The following NKAIN3 variants were observed in gnomAD, a reference collection of about 807,000 sequenced individuals.
NKAIN3 encodes sodium/potassium-transporting ATPase subunit beta-1-interacting protein 3.
A neutral mutation model predicts 30.2 loss-of-function variants in NKAIN3; 25 were observed. The ratio of observed to expected loss-of-function variants is 0.83; its 90% CI spans 0.60 to 1.16. The LOEUF is 1.16. Ranked by LOEUF, NKAIN3 falls within the 50% of genes most tolerant of loss-of-function variation. NKAIN3 has a pLI of 0.00. For missense variants in NKAIN3, 225 were observed against 254.1 expected, an observed-to-expected ratio of 0.89 and a Z score of 0.78; for synonymous variants, 91 against 89.6, an observed-to-expected ratio of 1.02 and a Z score of -0.09.
At chr8:62,736,394 G>A (rs1243704254) in intron 3 of NKAIN3, among the ~76,000 whole-genome samples, 1 of 152,100 alleles carries the variant, frequency 6.6e-6, no homozygotes. Context: ...TCAGGCCAAT[G>A]GAGTTATGTT....
chr8:62,620,784 A>G (rs145742903), intron 3 of NKAIN3, among the ~76,000 whole-genome samples: 49 of 152,262 alleles, frequency 3.2e-4, no homozygotes, highest in African/African-American at 1.2e-3. Flanking sequence ...GATCTTATTA[A>G]CATATTGAAC....
intron 4 of NKAIN3, among the ~76,000 whole-genome samples, chr8:62,789,408 G>A (rs1261855022): frequency 6.6e-6 from 1 of 152,104 alleles, no homozygotes; most frequent in African/African-American, 2.4e-5. Flanking sequence ...TGCTGAAGTT[G>A]CTTATCAGCT....
Position 62,997,006 on chromosome 8 carries a change from G to A in NKAIN3, c.533-2225G>A, listed in dbSNP as rs559949930. 3.2e-4 allele frequency among the ~76,000 whole-genome samples: 48 copies of A among 152,274 alleles called. 1 individual carries two copies. Among genetic ancestry groups the A allele is most frequent in the Admixed American group, 2.9e-3 (45 of 15,300 alleles). On this transcript the variant is annotated intron_variant, in intron 5 of 5. Transcript: ENST00000519049. ...ACCATTCTAGCGTCTGGAGGATGGT[G>A]GCCCTCTTCTCACAGTTCCACTAGG...
chr8:62,677,887 C>T (rs1411995838), intron 3 of NKAIN3, among the ~76,000 whole-genome samples: 3 of 152,128 alleles, frequency 2.0e-5, no homozygotes, highest in East Asian at 1.9e-4. Context: ...ATAGTATGTC[C>T]CCCTATCCCC....
intron 1 of NKAIN3, chr8:62,344,810 A>G: frequency 2.3e-6 from 1 of 427,250 alleles, no homozygotes; most frequent in Non-Finnish European, 4.7e-6. Flanking sequence ...GTTCCATATG[A>G]ATTTTAAATT....
rs112914829 is a variant in NKAIN3, at chr8:62,973,858, G to A, written c.*8451G>A. Among the ~76,000 whole-genome samples the A allele has an allele frequency of 3.2e-3, 480 of 152,226 alleles. 3 individuals carry two copies. Among genetic ancestry groups the A allele is most frequent in the African/African-American group, 0.011 (469 of 41,530 alleles). On this transcript the variant is annotated 3_prime_UTR_variant, in exon 7 of 7. Transcript: ENST00000623646. ...ATTTTTGTACAAGATGTAAGGAAGG[G>A]GTCCAGTTTCAGTTTTCTGCGTATG... is the stretch of plus-strand genomic sequence containing the variant.
chr8:62,485,779 G>A (rs1054362078), intron 1 of NKAIN3, among the ~76,000 whole-genome samples: 14 of 152,172 alleles, frequency 9.2e-5, no homozygotes, highest in African/African-American at 3.1e-4. Flanking sequence ...AAAGAGAAGA[G>A]GGAATGGATT....
At position 62,534,860 on chromosome 8, in the gene NKAIN3, G is replaced by GTTTT. The variant is rs145601852; in HGVS notation, c.55-44679_55-44678insTTTT. Among the ~76,000 whole-genome samples the GTTTT allele has an allele frequency of 3.9e-4, 57 of 145,644 alleles. 2 individuals carry two copies. Among genetic ancestry groups the GTTTT allele is most frequent in the Admixed American group, 5.5e-4 (8 of 14,638 alleles). On this transcript the variant is annotated intron_variant, in intron 1 of 6. Coordinates refer to ENST00000623646, the MANE Select transcript of NKAIN3 (RefSeq NM_001304533.3). ...AAAATGTAAAAACATTGCATTTATT[G>GTTTT]GTTTTTTTTTTTTTCGTATAGTTTC... is the stretch of plus-strand genomic sequence containing the variant.
At chr8:62,297,904 CAA>C (rs1813892715) in intron 1 of NKAIN3, among the ~76,000 whole-genome samples, 2 of 152,016 alleles carry the variant, frequency 1.3e-5, no homozygotes, top group Non-Finnish European at 2.9e-5. Flanking sequence ...TTCACAATAG[CAA>C]AGACTTGGAA....
intron 1 of NKAIN3, among the ~76,000 whole-genome samples, chr8:62,451,863 G>A (rs1008633382): frequency 6.6e-6 from 1 of 152,184 alleles, no homozygotes; most frequent in African/African-American, 2.4e-5. Context: ...GCCAAAATAT[G>A]TCTGAGATCA....
At chr8:62,410,453 A>G (rs778924735) in intron 1 of NKAIN3, among the ~76,000 whole-genome samples, 1 of 152,024 alleles carries the variant, frequency 6.6e-6, no homozygotes, top group Non-Finnish European at 1.5e-5. Flanking sequence ...ATAATGATCT[A>G]TTTTCCTTTA....
intron 3 of NKAIN3, among the ~76,000 whole-genome samples, chr8:62,715,912 C>T (rs1187540000): frequency 1.3e-5 from 2 of 152,182 alleles, no homozygotes; most frequent in Admixed American, 6.5e-5. Context: ...AGGGTGGCAA[C>T]AACCTTTCCT....
intron 4 of NKAIN3, among the ~76,000 whole-genome samples, chr8:62,804,569 A>T (rs1455873244): frequency 6.6e-6 from 1 of 152,212 alleles, no homozygotes; most frequent in Admixed American, 6.5e-5. Flanking sequence ...ATCTCAATAG[A>T]TGCAGAAAAG....
chr8:62,518,260 T>C (rs1047831339), intron 1 of NKAIN3, among the ~76,000 whole-genome samples: 1 of 152,160 alleles, frequency 6.6e-6, no homozygotes, highest in African/African-American at 2.4e-5. Context: ...CTTGGGAGGC[T>C]GAGGCACGAG....
intron 4 of NKAIN3, among the ~76,000 whole-genome samples, chr8:62,866,063 A>C (rs1445287992): frequency 1.3e-5 from 2 of 152,234 alleles, no homozygotes; most frequent in Admixed American, 6.5e-5. Flanking sequence ...ATAATTTAGC[A>C]GTCCCATTTG....
At chr8:62,349,836 C>G (rs1358051240) in intron 1 of NKAIN3, among the ~76,000 whole-genome samples, 3 of 152,168 alleles carry the variant, frequency 2.0e-5, no homozygotes, top group East Asian at 3.9e-4. Flanking sequence ...CCAGGTGAAG[C>G]CTTGTTTCAT....
chr8:62,290,065 A>T (rs1344505299), intron 1 of NKAIN3, among the ~76,000 whole-genome samples: 1 of 152,064 alleles, frequency 6.6e-6, no homozygotes, highest in African/African-American at 2.4e-5. Flanking sequence ...GTGTATAGGA[A>T]TGCTTGTGAT....
intron 1 of NKAIN3, among the ~76,000 whole-genome samples, chr8:62,334,565 TTTGG>T (rs1815470691): frequency 6.6e-6 from 1 of 152,144 alleles, no homozygotes; most frequent in South Asian, 2.1e-4. Flanking sequence ...ACTCAATGGC[TTTGG>T]AAGTTAGTGA....
At chr8:62,826,172 T>C (rs1819015310) in intron 4 of NKAIN3, among the ~76,000 whole-genome samples, 1 of 152,142 alleles carries the variant, frequency 6.6e-6, no homozygotes, top group Non-Finnish European at 1.5e-5. Context: ...CCTCATTTCC[T>C]AACTTAAAAG....
Sources: allele counts gnomAD v4.1 joint callset (sites outside exome capture counted in the v4.1 genomes callset), GRCh38; gene constraint gnomAD v4.1.1; transcripts MANE v1.5; gene names NCBI Gene and HGNC (gene_info 2026-07-23, HGNC 2026-07-21).